PARG: variants seen among roughly 807,000 people sequenced by gnomAD.
PARG encodes poly(ADP-ribose) glycohydrolase.
Under a neutral mutation model 113.0 loss-of-function variants are expected in PARG, and 35 were observed. That is an observed-to-expected ratio of 0.31 (90% confidence interval 0.24 to 0.41). The LOEUF is 0.41. Ranked by LOEUF, PARG falls within the 10% of genes least tolerant of loss-of-function variation. PARG has a pLI of 1.00. For missense variants in PARG, 797 were observed against 1,169.4 expected, an observed-to-expected ratio of 0.68 and a Z score of 4.64; for synonymous variants, 330 against 409.9, an observed-to-expected ratio of 0.81 and a Z score of 2.36.
At chr10:49,823,932 T>G (rs1844228617) in intron 16 of PARG, among the ~76,000 whole-genome samples, 3 of 152,202 alleles carry the variant, frequency 2.0e-5, no homozygotes, top group South Asian at 4.2e-4. Flanking sequence ...CCCATTTCTA[T>G]TAGAGTACAT....
intron 13 of PARG, among the ~76,000 whole-genome samples, chr10:49,844,298 T>C (rs1224740834): frequency 6.6e-6 from 1 of 151,314 alleles, no homozygotes; most frequent in African/African-American, 2.4e-5. Flanking sequence ...TCAAAAACCA[T>C]AAAATACCTA....
intron 6 of PARG, among the ~76,000 whole-genome samples, chr10:49,918,312 T>G (rs1554848255): frequency 6.6e-6 from 1 of 152,236 alleles, no homozygotes; most frequent in Non-Finnish European, 1.5e-5. Context: ...AAATTTTAAG[T>G]AGCAATTGCA....
intron 2 of PARG, 92 bp from the exon 3 acceptor site, chr10:49,934,255 T>C: frequency 7.6e-6 from 5 of 654,622 alleles, no homozygotes; most frequent in Non-Finnish European, 1.4e-5. Flanking sequence ...GTAATTAAAC[T>C]CCCTGTGGTC....
intron 6 of PARG, among the ~76,000 whole-genome samples, chr10:49,921,591 G>A (rs1344090498): frequency 1.3e-5 from 2 of 151,760 alleles, no homozygotes; most frequent in Non-Finnish European, 2.9e-5. Flanking sequence ...GCAAGTATCA[G>A]TAGAAAACAT....
chr10:49,846,286 A>G (rs1845502893), intron 13 of PARG, among the ~76,000 whole-genome samples: 1 of 151,834 alleles, frequency 6.6e-6, no homozygotes, highest in Non-Finnish European at 1.5e-5. Flanking sequence ...AGTAATTTAT[A>G]ATGAAAAGAA....
intron 8 of PARG, among the ~76,000 whole-genome samples, chr10:49,881,696 C>A (rs1219477221): frequency 2.0e-5 from 3 of 152,224 alleles, no homozygotes; most frequent in Non-Finnish European, 4.4e-5. Flanking sequence ...GTACACACCA[C>A]TGCTAGAATA....
Position 49,860,221 on chromosome 10 carries a change from C to T in PARG, c.2205+1367G>A, listed in dbSNP as rs541863723. Reference sequence around the variant, plus strand: ...TCACATTTCCATCTATAATATATTCCGAGGAAGTGGGGAGGATCTCAACCT... The same window carrying T: ...TCACATTTCCATCTATAATATATTCTGAGGAAGTGGGGAGGATCTCAACCT... On this transcript the variant is annotated intron_variant, in intron 12 of 17. Coordinates refer to ENST00000616448, the MANE Select transcript of PARG (RefSeq NM_003631.5). Among the ~76,000 whole-genome samples the T allele has an allele frequency of 2.0e-4, 31 of 152,158 alleles. 2 individuals carry two copies. Among genetic ancestry groups the T allele is most frequent in the Admixed American group, 2.0e-3 (31 of 15,280 alleles).
chr10:49,912,709 A>G (rs1837265951), intron 7 of PARG, among the ~76,000 whole-genome samples: 1 of 152,184 alleles, frequency 6.6e-6, no homozygotes, highest in African/African-American at 2.4e-5. Flanking sequence ...TCATGCCTAT[A>G]ATCCCAGCAC....
chr10:49,879,582 G>A (rs1293061174), intron 9 of PARG, 91 bp downstream of exon 9: 8 of 800,696 alleles, frequency 1.0e-5, no homozygotes, highest in Non-Finnish European at 1.6e-5. Context: ...CATATAAAAT[G>A]CTTGGCCTAT....
intron 9 of PARG, among the ~76,000 whole-genome samples, chr10:49,879,352 G>GT (rs1402167193): frequency 6.6e-6 from 1 of 150,710 alleles, no homozygotes; most frequent in Non-Finnish European, 1.5e-5. Flanking sequence ...TAATCAAACT[G>GT]AAGAGGCATG....
Position 49,941,710 on chromosome 10 carries a change from C to T in PARG, c.16G>A (p.Gly6Ser). The change falls in exon 1 of 18, where the codon GGC (glycine) becomes AGC (serine). Residue 6 changes from glycine (G) to serine (S), a missense_variant. By Grantham distance (56) the Gly-to-Ser change is moderately conservative. This residue lies in a region of PARG where 27 missense variants were observed against 54.3 expected (regional missense o/e 0.50). Transcript: ENST00000616448. MNAGP[G>S]CEPCTKRPRW... is the part of the protein sequence containing the mutation. ...GGTCGCTTGGTGCAGGGTTCACAGC[C>T]GGGGCCCGCATTCATGCTGGGACCA... 2.5e-6 allele frequency: 4 copies of T among 1,580,784 alleles called. No homozygotes were observed. The highest frequency in any genetic ancestry group is 1.7e-6 in the Non-Finnish European group (2 of 1,165,614).
chr10:49,907,157 G>T (rs1836896714), intron 7 of PARG, among the ~76,000 whole-genome samples: 1 of 152,148 alleles, frequency 6.6e-6, no homozygotes, highest in African/African-American at 2.4e-5. Flanking sequence ...TGGCCCTTGT[G>T]GCAGAAAATG....
Position 49,820,201 on chromosome 10 carries a change from T to C in PARG, c.2740A>G (p.Met914Val), listed in dbSNP as rs1844002081. 6.5e-7 allele frequency: 1 copy of C among 1,546,724 alleles called. No individual in the cohort carries two copies. The highest frequency in any genetic ancestry group is 8.8e-7 in the Non-Finnish European group (1 of 1,142,460). Reference protein sequence around the residue: ...DSELMRDIYSMHIFLTERKLT... With the variant: ...DSELMRDIYSVHIFLTERKLT... ...TTCCTTTCAGTAAGGAAAATGTGCA[T>C]GCTGTAAATGTCTCTCATCAATTCT... Residue 914 changes from methionine to valine, a missense_variant, in exon 17 of 18, where the codon ATG becomes GTG. This residue lies in a region of PARG where 194 missense variants were observed against 247.1 expected (regional missense o/e 0.79). Coordinates refer to ENST00000616448, the MANE Select transcript of PARG (RefSeq NM_003631.5).
In PARG at chr10:49,935,102, T is replaced by C; in HGVS notation, c.258A>G (p.Lys86=). Residue 86 remains lysine (K), a synonymous_variant, in exon 2 of 18, where the codon AAA becomes AAG. Coordinates refer to ENST00000616448, the MANE Select transcript of PARG (RefSeq NM_003631.5). ...TTTCTGATTCCGCTGTCTTGATTCCTTTAGTGTCCATCCAACTGGTAATAG... is the reference window on the plus strand; with the variant it reads ...TTTCTGATTCCGCTGTCTTGATTCCCTTAGTGTCCATCCAACTGGTAATAG... ...QKTITSWMDT[K]GIKTAESESL... is the part of the protein sequence containing the mutation. 1 of 783,082 alleles carries C rather than the reference T, an allele frequency of 1.3e-6. No homozygotes were observed. The highest frequency in any genetic ancestry group is 2.2e-6 in the Non-Finnish European group (1 of 448,990). The allele number at this position is 783,082 out of a possible 1,614,324, so 48.5% of individuals were successfully genotyped here.
At chr10:49,826,944 C>T (rs1276650465) in intron 16 of PARG, among the ~76,000 whole-genome samples, 1 of 152,162 alleles carries the variant, frequency 6.6e-6, no homozygotes. Context: ...AGGAGAGGAA[C>T]CAACACAAAC....
intron 6 of PARG, among the ~76,000 whole-genome samples, chr10:49,921,353 GT>G (rs1275523749): frequency 6.6e-6 from 1 of 151,532 alleles, no homozygotes; most frequent in Non-Finnish European, 1.5e-5. Flanking sequence ...ATTTTGTTTT[GT>G]TTTTTTGTAA....
At chr10:49,885,694 T>C (rs554164468) in intron 7 of PARG, among the ~76,000 whole-genome samples, 8 of 152,154 alleles carry the variant, frequency 5.3e-5, no homozygotes, top group Non-Finnish European at 1.0e-4. Context: ...CAAGGACCCA[T>C]CTAGTTTCAA....
At chr10:49,861,531 A>AT (rs1489647766) in intron 12 of PARG, 57 bp downstream of exon 12, 1 of 708,154 alleles carries the variant, frequency 1.4e-6, no homozygotes, top group Non-Finnish European at 2.6e-6. Flanking sequence ...TTTTGCTGTC[A>AT]GAAGCTTGAC....
intron 8 of PARG, among the ~76,000 whole-genome samples, chr10:49,881,285 T>C (rs531468543): frequency 6.6e-6 from 1 of 152,326 alleles, no homozygotes; most frequent in African/African-American, 2.4e-5. Context: ...TCAGATCTCC[T>C]GGGGCTGTGT....
Sources: allele counts gnomAD v4.1 joint callset (sites outside exome capture counted in the v4.1 genomes callset), GRCh38; gene constraint gnomAD v4.1.1; regional missense constraint gnomAD v4.1.1; transcripts MANE v1.5; gene names NCBI Gene and HGNC (gene_info 2026-07-23, HGNC 2026-07-21).